LCORL: variants seen among roughly 807,000 people sequenced by gnomAD.
The protein encoded by LCORL is ligand dependent nuclear receptor corepressor like, also known as ligand-dependent nuclear receptor corepressor-like protein.
In LCORL, 41 loss-of-function variants were observed where a neutral mutation model predicts 141.8. The ratio of observed to expected loss-of-function variants is 0.29; its 90% confidence interval spans 0.23 to 0.38. The LOEUF (loss-of-function observed/expected upper bound fraction) is 0.38. Among genes scored for constraint, LCORL ranks in the 10% least tolerant of loss-of-function variants. The pLI is 1.00. For synonymous variants in LCORL, 618 were observed against 694.1 expected, an observed-to-expected ratio of 0.89 and a Z score of 1.72; for missense variants, 1,759 against 2,035.0, an observed-to-expected ratio of 0.86 and a Z score of 2.61.
intron 5 of LCORL, among the ~76,000 whole-genome samples, chr4:17,894,758 T>C (rs1729631826): frequency 6.6e-6 from 1 of 152,102 alleles, no homozygotes; most frequent in South Asian, 2.1e-4. Flanking sequence ...AATTTTAACC[T>C]GGTATATCTC....
rs1243660812 is a variant in LCORL at position 17,916,656 on chromosome 4, T to A, written c.431-7311A>T. Among the ~76,000 whole-genome samples, 4 of 150,182 alleles carry A rather than the reference T, an allele frequency of 2.7e-5. No individual in the cohort carries two copies. In the East Asian group the frequency reaches 7.7e-4, roughly 29 times the overall value. On this transcript the variant is annotated intron_variant, in intron 4 of 7. Transcript: ENST00000635767. ...CCAATTAAATGTCTTTTTTTTTTTT[T>A]TTTTTTTTTTTAGATAGTGTCCCCG...
At position 17,875,662 on chromosome 4, in the gene LCORL, T is replaced by G. The variant is rs182627647; in HGVS notation, c.3328A>C (p.Thr1110Pro). ...CTAAAGGGCTCATTCTGGCAAACAGTGATGTTTGTTTGATCAATTTTAGGC... is the reference window on the plus strand; with the variant it reads ...CTAAAGGGCTCATTCTGGCAAACAGGGATGTTTGTTTGATCAATTTTAGGC... Residue 1110 changes from threonine to proline, a missense_variant, in exon 7 of 8, where the codon ACT becomes CCT. Around this residue, in one of 5 missense-constraint regions of LCORL, gnomAD observed 1,311 missense variants for 1,531.3 expected, o/e 0.86. Coordinates refer to ENST00000635767, the Ensembl canonical transcript of LCORL. 69 of 1,231,292 alleles carry G rather than the reference T, an allele frequency of 5.6e-5. No individual in the cohort carries two copies. In the East Asian group the frequency reaches 1.6e-3, roughly 28 times the overall value. 76.3% of individuals were successfully genotyped at this position (1,231,292 alleles called of 1,614,324 possible).
intron 4 of LCORL, among the ~76,000 whole-genome samples, chr4:17,946,394 T>C (rs759601266): frequency 1.3e-5 from 2 of 151,976 alleles, no homozygotes; most frequent in African/African-American, 4.8e-5. Context: ...TGCAGTTTTT[T>C]AAAAAAGATT....
At chr4:17,869,979 T>C (rs1366201732) in intron 7 of LCORL, among the ~76,000 whole-genome samples, 10 of 152,282 alleles carry the variant, frequency 6.6e-5, no homozygotes, top group African/African-American at 2.4e-4. Context: ...TTACTGCTAC[T>C]ATTAGGGCTT....
intron 4 of LCORL, among the ~76,000 whole-genome samples, chr4:17,919,006 G>A (rs1733895170): frequency 6.6e-6 from 1 of 151,662 alleles, no homozygotes; most frequent in East Asian, 1.9e-4. Flanking sequence ...TAGCTAAACA[G>A]ACCAAGAAAA....
chr4:17,843,066 A>G (rs1712840102), exon 8 of LCORL: 3 of 312,726 alleles, frequency 9.6e-6, no homozygotes, highest in Admixed American at 4.5e-5. Context: ...CCTGTATAAC[A>G]CCAGGTTCTG....
chr4:17,875,994 T>G (rs1726880157), exon 7 of LCORL: 2 of 1,231,040 alleles, frequency 1.6e-6, no homozygotes, highest in African/African-American at 3.1e-5. Flanking sequence ...TTCAGTTACG[T>G]GATGGGTTGT....
chr4:17,928,429 A>C (rs1735501363), intron 4 of LCORL, among the ~76,000 whole-genome samples: 1 of 152,224 alleles, frequency 6.6e-6, no homozygotes, highest in African/African-American at 2.4e-5. Flanking sequence ...AAAACAAAAC[A>C]ATCAATTCAT....
At chr4:17,925,986 T>G (rs1560353272) in intron 4 of LCORL, among the ~76,000 whole-genome samples, 1 of 152,004 alleles carries the variant, frequency 6.6e-6, no homozygotes, top group East Asian at 1.9e-4. Flanking sequence ...TGTCATAAGA[T>G]TTACTGACCT....
chr4:17,980,705 G>C (rs1352442548), intron 1 of LCORL, among the ~76,000 whole-genome samples: 2 of 152,156 alleles, frequency 1.3e-5, no homozygotes, highest in African/African-American at 4.8e-5. Flanking sequence ...AATCCCCAGG[G>C]CCATGGACCA....
chr4:17,929,434 G>A (rs533676312), intron 4 of LCORL, among the ~76,000 whole-genome samples: 4 of 152,174 alleles, frequency 2.6e-5, no homozygotes, highest in African/African-American at 9.6e-5. Flanking sequence ...GTAGAACAAT[G>A]GAAAAGAATC....
At chr4:17,860,088 T>C (rs990800553) in intron 7 of LCORL, among the ~76,000 whole-genome samples, 1 of 152,182 alleles carries the variant, frequency 6.6e-6, no homozygotes, top group African/African-American at 2.4e-5. Flanking sequence ...AGAGATTCAA[T>C]GCTATTCCTA....
intron 3 of LCORL, among the ~76,000 whole-genome samples, chr4:17,962,333 C>A (rs866234657): frequency 6.6e-6 from 1 of 151,330 alleles, no homozygotes; most frequent in Non-Finnish European, 1.5e-5. Context: ...GCAATCCTAT[C>A]GGAGAGTTTT....
At chr4:17,875,131 A>G (rs1223735168) in exon 7 of LCORL, 11 of 1,233,040 alleles carry the variant, frequency 8.9e-6, no homozygotes, top group Non-Finnish European at 9.1e-6. Context: ...TTTTTTCCTG[A>G]CGTATTATCC....
At chr4:17,846,380 CAA>C (rs1249427326) in intron 7 of LCORL, among the ~76,000 whole-genome samples, 1 of 152,102 alleles carries the variant, frequency 6.6e-6, no homozygotes, top group African/African-American at 2.4e-5. Flanking sequence ...ACAATAAAAT[CAA>C]GACTCTGAGA....
At chr4:17,895,686 C>G (rs937615373) in intron 5 of LCORL, among the ~76,000 whole-genome samples, 2 of 152,154 alleles carry the variant, frequency 1.3e-5, no homozygotes, top group African/African-American at 4.8e-5. Context: ...ATCCTGCACC[C>G]TTGGGCGACT....
intron 4 of LCORL, among the ~76,000 whole-genome samples, chr4:17,923,843 T>C (rs1050056287): frequency 2.0e-5 from 3 of 151,982 alleles, no homozygotes; most frequent in Admixed American, 1.3e-4. Context: ...CTTTGCAAAA[T>C]AGATTTACAA....
At chr4:17,866,790 C>T (rs994334824) in intron 7 of LCORL, among the ~76,000 whole-genome samples, 16 of 151,742 alleles carry the variant, frequency 1.1e-4, no homozygotes, top group African/African-American at 3.2e-4. Context: ...CTGTTACTGC[C>T]CAGGAAAAAC....
At chr4:17,885,615 G>C (rs1728162554) in intron 6 of LCORL, among the ~76,000 whole-genome samples, 1 of 151,736 alleles carries the variant, frequency 6.6e-6, no homozygotes, top group Non-Finnish European at 1.5e-5. Flanking sequence ...GTGATTACTA[G>C]ATATATTTAA....
Sources: gnomAD v4.1 joint callset for allele counts (sites outside exome capture counted in the v4.1 genomes callset) on GRCh38, gnomAD v4.1.1 for gene constraint, gnomAD v4.1.1 regional missense constraint, MANE v1.5 for transcripts, NCBI Gene and HGNC (gene_info 2026-07-23, HGNC 2026-07-21) for gene names.